Variants in SCAPER observed in about 807,000 individuals in gnomAD.
The protein encoded by SCAPER is S-phase cyclin A associated protein in the ER.
Under a neutral mutation model 182.2 loss-of-function variants are expected in SCAPER, and 98 were observed. That is an observed-to-expected ratio of 0.54 (90% confidence interval 0.46 to 0.64). SCAPER has a LOEUF of 0.64. SCAPER is among the 30% of genes least tolerant of loss of function. The pLI is 0.00. For missense variants in SCAPER, 1,432 were observed against 1,690.0 expected, an observed-to-expected ratio of 0.85 and a Z score of 2.68; for synonymous variants, 605 against 564.6, an observed-to-expected ratio of 1.07 and a Z score of -1.01.
chr15:76,621,793 A>T lies in SCAPER; in HGVS notation c.2682T>A (p.Asn894Lys). 6.2e-7 allele frequency: 1 copy of T among 1,608,394 alleles called. No individual in the cohort carries two copies. The highest frequency in any genetic ancestry group is 8.5e-7 in the Non-Finnish European group (1 of 1,177,358). Reference protein sequence around the residue: ...KEYESLMETKNSGSDSPYKAK... With the variant: ...KEYESLMETKKSGSDSPYKAK... ...CTTTATAAGGTGAATCAGAGCCAGA[A>T]TTTTTGGTTTCCATTAAACTCTCAT... The change falls in exon 22 of 32, where the codon AAT becomes AAA. Residue 894 changes from asparagine to lysine, a missense_variant. Transcript: ENST00000563290.
rs370936788 is a variant in SCAPER, at chr15:76,388,612, C to T, written c.3468-6997G>A. Among the ~76,000 whole-genome samples the T allele has an allele frequency of 2.0e-4, 31 of 152,206 alleles. 1 individual carries two copies. In the East Asian group the frequency reaches 3.1e-3, roughly 15 times the overall value. ...AGCTGGGCATGAGCCTGGATGATGTCTAAGATTCTGTTCAATTCTGGGATG... is the reference window on the plus strand; with the variant it reads ...AGCTGGGCATGAGCCTGGATGATGTTTAAGATTCTGTTCAATTCTGGGATG... On this transcript the variant is annotated intron_variant, in intron 27 of 31. Transcript: ENST00000563290.
At chr15:76,719,075 C>T (rs1346271885) in intron 17 of SCAPER, among the ~76,000 whole-genome samples, 1 of 152,122 alleles carries the variant, frequency 6.6e-6, no homozygotes. Flanking sequence ...AATGGAATCA[C>T]CACCTCATAA....
At chr15:76,466,652 C>T (rs969234399) in intron 25 of SCAPER, among the ~76,000 whole-genome samples, 32 of 150,910 alleles carry the variant, frequency 2.1e-4, no homozygotes, top group African/African-American at 7.1e-4. Context: ...TTGTTGGGAT[C>T]TGTGCACTTG....
chr15:76,679,908 C>A (rs1264440355), intron 20 of SCAPER, among the ~76,000 whole-genome samples: 1 of 152,140 alleles, frequency 6.6e-6, no homozygotes, highest in African/African-American at 2.4e-5. Flanking sequence ...GAATAAGAAA[C>A]GTCTGAGCTC....
At chr15:76,785,424 TTGG>T (rs1288574130) in intron 8 of SCAPER, among the ~76,000 whole-genome samples, 1 of 152,212 alleles carries the variant, frequency 6.6e-6, no homozygotes, top group Non-Finnish European at 1.5e-5. Context: ...TTTTACACTG[TTGG>T]TGGGAGTGTA....
chr15:76,418,419 A>G (rs1268969628), intron 26 of SCAPER, among the ~76,000 whole-genome samples: 1 of 152,172 alleles, frequency 6.6e-6, no homozygotes, highest in Non-Finnish European at 1.5e-5. Flanking sequence ...TAGGACCCAA[A>G]TCTAGTTTGG....
chr15:76,838,459 T>C (rs929861559), intron 5 of SCAPER, among the ~76,000 whole-genome samples: 7 of 152,206 alleles, frequency 4.6e-5, no homozygotes, highest in African/African-American at 1.7e-4. Context: ...CCTATGACTC[T>C]AATACCTTCA....
At chr15:76,849,363 C>A (rs2070473902) in intron 4 of SCAPER, among the ~76,000 whole-genome samples, 1 of 152,222 alleles carries the variant, frequency 6.6e-6, no homozygotes. Flanking sequence ...CTTCGACAAA[C>A]TGCAATCAAC....
chr15:76,767,146 T>A, intron 10 of SCAPER, 58 bp from the exon 11 acceptor site: 1 of 1,416,940 alleles, frequency 7.1e-7, no homozygotes, highest in Non-Finnish European at 9.6e-7. Context: ...TGGAAAGTAA[T>A]CATTTTTTAT....
In SCAPER at chr15:76,474,231, C is replaced by G. The variant is rs76196435; in HGVS notation, c.2955-2896G>C. Among the ~76,000 whole-genome samples, 61 of 152,262 alleles carry G rather than the reference C, an allele frequency of 4.0e-4. No individual in the cohort carries two copies. The East Asian group carries it at 0.011, about 28-fold the overall frequency. ...AATCTTTATGGGCAATTTTGATGTG[C>G]AGCCAGAGTTATTTGTTCATTCAAA... On this transcript the variant is annotated intron_variant, in intron 24 of 31. Coordinates refer to ENST00000563290, the MANE Select transcript of SCAPER (RefSeq NM_020843.4).
At chr15:76,501,738 G>T (rs2041140784) in intron 24 of SCAPER, among the ~76,000 whole-genome samples, 1 of 152,258 alleles carries the variant, frequency 6.6e-6, no homozygotes, top group African/African-American at 2.4e-5. Flanking sequence ...GGTTCATGGA[G>T]TTGAGGGGTG....
chr15:76,520,174 T>C lies in SCAPER; in HGVS notation c.2839-15200A>G, dbSNP rs116129424. Among the ~76,000 whole-genome samples the C allele has an allele frequency of 7.9e-3, 1,206 of 152,298 alleles. 16 individuals are homozygous for C. Among genetic ancestry groups the C allele is most frequent in the African/African-American group, 0.028 (1,166 of 41,558 alleles). On this transcript the variant is annotated intron_variant, in intron 23 of 31. Coordinates refer to ENST00000563290, the MANE Select transcript of SCAPER (RefSeq NM_020843.4). ...AGTGATCACTCTTTATTGTAATTATTTGTTTGTCTAGAAGGACAGAGCCTA... is the reference window on the plus strand; with the variant it reads ...AGTGATCACTCTTTATTGTAATTATCTGTTTGTCTAGAAGGACAGAGCCTA...
At chr15:76,603,423 G>A (rs2050079878) in intron 22 of SCAPER, among the ~76,000 whole-genome samples, 1 of 121,932 alleles carries the variant, frequency 8.2e-6, no homozygotes, top group Non-Finnish European at 2.0e-5. Context: ...TCTTAATCCA[G>A]TCTATGGTTC....
At chr15:76,759,967 G>A (rs988950476) in intron 14 of SCAPER, among the ~76,000 whole-genome samples, 2 of 152,078 alleles carry the variant, frequency 1.3e-5, no homozygotes, top group Non-Finnish European at 2.9e-5. Flanking sequence ...AGTGATGCTG[G>A]CCTCATAATA....
At chr15:76,683,729 C>T (rs575849820) in intron 20 of SCAPER, among the ~76,000 whole-genome samples, 72 of 151,926 alleles carry the variant, frequency 4.7e-4, no homozygotes, top group African/African-American at 1.5e-3. Context: ...AGAAACCTTA[C>T]AAGACAGAAG....
At chr15:76,424,842 G>T (rs1196159451) in intron 26 of SCAPER, among the ~76,000 whole-genome samples, 1 of 152,280 alleles carries the variant, frequency 6.6e-6, no homozygotes. Flanking sequence ...GCATTTGCTT[G>T]TCTGTAAAGG....
chr15:76,786,168 GAC>G (rs2064585629), intron 8 of SCAPER, among the ~76,000 whole-genome samples: 1 of 151,672 alleles, frequency 6.6e-6, no homozygotes, highest in South Asian at 2.1e-4. Flanking sequence ...GTCTACTAAA[GAC>G]ACAAAAATTA....
intron 24 of SCAPER, among the ~76,000 whole-genome samples, chr15:76,493,817 T>C (rs1476748671): frequency 6.6e-6 from 1 of 152,212 alleles, no homozygotes; most frequent in African/African-American, 2.4e-5. Flanking sequence ...GTACAACAGC[T>C]GTCAACTGTA....
intron 5 of SCAPER, among the ~76,000 whole-genome samples, chr15:76,825,885 T>C (rs554619331): frequency 4.6e-5 from 7 of 152,204 alleles, no homozygotes; most frequent in East Asian, 3.9e-4. Flanking sequence ...GCTGGGACTA[T>C]AGACGCACAC....
Sources: allele counts gnomAD v4.1 joint callset (sites outside exome capture counted in the v4.1 genomes callset), GRCh38; gene constraint gnomAD v4.1.1; transcripts MANE v1.5; gene names NCBI Gene and HGNC (gene_info 2026-07-23, HGNC 2026-07-21).